Variants in PPP2R2D observed in about 807,000 individuals in gnomAD.
PPP2R2D encodes serine/threonine-protein phosphatase 2A 55 kDa regulatory subunit B delta isoform.
A neutral mutation model predicts 31.1 loss-of-function variants in PPP2R2D; 9 were observed. That is an observed-to-expected ratio of 0.29 (90% CI 0.17 to 0.51). The LOEUF (loss-of-function observed/expected upper bound fraction) is 0.51. PPP2R2D is among the 20% of genes least tolerant of loss of function. The pLI is 0.98. For synonymous variants in PPP2R2D, 179 were observed against 172.6 expected, an observed-to-expected ratio of 1.04 and a Z score of -0.29; for missense variants, 391 against 465.6, an observed-to-expected ratio of 0.84 and a Z score of 1.48.
At chr10:131,934,743 A>G (rs1554896212) in intron 3 of PPP2R2D, among the ~76,000 whole-genome samples, 188 bp downstream of exon 3, 1 of 152,196 alleles carries the variant, frequency 6.6e-6, no homozygotes, top group Non-Finnish European at 1.5e-5. Context: ...GCCCCGGTGA[A>G]GTCTCCAAGG....
At chr10:131,939,806 G>A (rs949867439) in intron 3 of PPP2R2D, 31 of 308,480 alleles carry the variant, frequency 1.0e-4, no homozygotes, top group African/African-American at 1.5e-4. Flanking sequence ...GGCTGCATTC[G>A]GCAGACCTGC....
chr10:131,932,480 A>C lies in PPP2R2D; in HGVS notation c.101-1978A>C, dbSNP rs545291658. Among the ~76,000 whole-genome samples the C allele has an allele frequency of 2.0e-5, 3 of 152,200 alleles. No homozygotes were observed. In the East Asian group the frequency reaches 5.8e-4, roughly 29 times the overall value. On this transcript the variant is annotated intron_variant, in intron 2 of 8. Coordinates refer to ENST00000455566, the MANE Select transcript of PPP2R2D (RefSeq NM_018461.5). ...CCAGGAATTCGAGACAATTCTGGTC[A>C]ACATGGCAAAACCCTGTCTCTACTA...
At position 131,930,620 on chromosome 10, in the gene PPP2R2D, C is replaced by T. The variant is rs537498843; in HGVS notation, c.101-3838C>T. 3.1e-4 allele frequency among the ~76,000 whole-genome samples: 47 copies of T among 152,348 alleles called. 1 individual carries two copies. In the South Asian group the frequency reaches 4.1e-3, roughly 13 times the overall value. Reference sequence around the variant, plus strand: ...GTTTGAGGTTTCATCCACCATGTTTCCTGCAACCTGTGTGATGCCATCTGA... The same window carrying T: ...GTTTGAGGTTTCATCCACCATGTTTTCTGCAACCTGTGTGATGCCATCTGA... On this transcript the variant is annotated intron_variant, in intron 2 of 8. Coordinates refer to ENST00000455566, the MANE Select transcript of PPP2R2D (RefSeq NM_018461.5).
chr10:131,931,690 C>T (rs890521326), intron 2 of PPP2R2D, among the ~76,000 whole-genome samples: 6 of 152,188 alleles, frequency 3.9e-5, no homozygotes, highest in East Asian at 1.9e-4. Context: ...CTCTGCAGGT[C>T]GTGGCTGTTG....
chr10:131,915,403 ATAAT>A (rs1410823286), intron 2 of PPP2R2D, among the ~76,000 whole-genome samples: 5 of 152,162 alleles, frequency 3.3e-5, no homozygotes, highest in Non-Finnish European at 7.4e-5. Flanking sequence ...TTTAGAATAA[ATAAT>A]TATGTATTAT....
At chr10:131,950,439 C>T (rs782707299) in intron 8 of PPP2R2D, among the ~76,000 whole-genome samples, 24 of 152,066 alleles carry the variant, frequency 1.6e-4, no homozygotes, top group Admixed American at 2.6e-4. Flanking sequence ...GAGCGGACAC[C>T]GAGACTGAGA....
chr10:131,903,331 G>T (rs918879233), intron 2 of PPP2R2D, among the ~76,000 whole-genome samples: 6 of 152,174 alleles, frequency 3.9e-5, no homozygotes, highest in African/African-American at 1.4e-4. Flanking sequence ...GCCGGGCGTG[G>T]TGGCACATGC....
chr10:131,964,707 C>A (rs2036958757), downstream of PPP2R2D, among the ~76,000 whole-genome samples: 1 of 133,612 alleles, frequency 7.5e-6, no homozygotes, highest in African/African-American at 2.8e-5. Flanking sequence ...CTTGCAGTAT[C>A]CACCCCGAAT....
chr10:131,923,428 G>A (rs574913707), intron 2 of PPP2R2D, among the ~76,000 whole-genome samples: 2 of 152,280 alleles, frequency 1.3e-5, no homozygotes, highest in African/African-American at 4.8e-5. Context: ...ACATGTTTTT[G>A]TATAGACATG....
chr10:131,903,668 T>C (rs1225708056), intron 2 of PPP2R2D, among the ~76,000 whole-genome samples: 4 of 152,208 alleles, frequency 2.6e-5, no homozygotes, highest in Non-Finnish European at 5.9e-5. Flanking sequence ...ATTCTGTGTA[T>C]TCAGAGCTGT....
intron 2 of PPP2R2D, among the ~76,000 whole-genome samples, chr10:131,921,896 A>T (rs782307792): frequency 1.3e-5 from 2 of 152,238 alleles, no homozygotes; most frequent in African/African-American, 4.8e-5. Flanking sequence ...AAAATTGCCT[A>T]GGAGTAATTC....
intron 2 of PPP2R2D, among the ~76,000 whole-genome samples, chr10:131,909,087 G>A (rs2119728629): frequency 6.6e-6 from 1 of 152,320 alleles, no homozygotes; most frequent in African/African-American, 2.4e-5. Context: ...GAGGACATCA[G>A]GGTATAAGAA....
chr10:131,907,916 G>T (rs2035623294), intron 2 of PPP2R2D, among the ~76,000 whole-genome samples: 1 of 152,188 alleles, frequency 6.6e-6, no homozygotes, highest in African/African-American at 2.4e-5. Context: ...GCAGTCTGCT[G>T]TTCTGATGGG....
At chr10:131,927,741 AGT>A (rs1458051813) in intron 2 of PPP2R2D, among the ~76,000 whole-genome samples, 1 of 152,136 alleles carries the variant, frequency 6.6e-6, no homozygotes, top group Non-Finnish European at 1.5e-5. Flanking sequence ...AGTCCTCTGC[AGT>A]GTTTGGCTTT....
At chr10:131,944,768 T>C (rs1554897713) in intron 6 of PPP2R2D, among the ~76,000 whole-genome samples, 1 of 152,260 alleles carries the variant, frequency 6.6e-6, no homozygotes, top group Admixed American at 6.5e-5. Context: ...ACTGCTAGTC[T>C]GAATTGGCCC....
In PPP2R2D at chr10:131,940,124, A is replaced by G. The variant is rs1554897007; in HGVS notation, c.292A>G (p.Ile98Val). ...PEFDYLKSLE[I>V]EEKINKIRWL... ...GTTTGACTATTTGAAAAGTCTAGAAATTGAGGAAAAAATTAATAAAATTAG... is the reference window on the plus strand; with the variant it reads ...GTTTGACTATTTGAAAAGTCTAGAAGTTGAGGAAAAAATTAATAAAATTAG... Residue 98 changes from isoleucine (I) to valine (V), a missense_variant, in exon 4 of 9, where the codon ATT becomes GTT. Transcript: ENST00000455566. The G allele has an allele frequency of 1.3e-6, 1 of 779,094 alleles. No homozygotes were observed. Among genetic ancestry groups the G allele is most frequent in the South Asian group, 1.3e-5 (1 of 74,262 alleles). The allele number at this position is 779,094 out of a possible 1,614,324, so 48.3% of individuals were successfully genotyped here. A position where few individuals can be genotyped will look rare whatever the true frequency, so the allele number is the denominator to read the frequency against.
intron 2 of PPP2R2D, among the ~76,000 whole-genome samples, chr10:131,907,979 T>C (rs2119722034): frequency 6.6e-6 from 1 of 152,338 alleles, no homozygotes; most frequent in East Asian, 1.9e-4. Context: ...GGCCCCTTTC[T>C]GAGCTTCAGC....
chr10:131,902,403 A>C (rs1016518622), intron 2 of PPP2R2D, among the ~76,000 whole-genome samples: 1 of 151,572 alleles, frequency 6.6e-6, no homozygotes, highest in Non-Finnish European at 1.5e-5. Flanking sequence ...CCTACCCTGT[A>C]CCTCTCCCTG....
At chr10:131,914,024 G>T (rs942703438) in intron 2 of PPP2R2D, among the ~76,000 whole-genome samples, 1 of 152,200 alleles carries the variant, frequency 6.6e-6, no homozygotes, top group South Asian at 2.1e-4. Context: ...GGGCTTTTAT[G>T]AATTCTTGGG....
Sources: allele counts gnomAD v4.1 joint callset (sites outside exome capture counted in the v4.1 genomes callset), GRCh38; gene constraint gnomAD v4.1.1; transcripts MANE v1.5; gene names NCBI Gene and HGNC (gene_info 2026-07-23, HGNC 2026-07-21).